Variants in PRDM16 observed in about 807,000 individuals in gnomAD.
PRDM16 encodes PR/SET domain 16.
PRDM16 carries 23 observed loss-of-function variants against 110.6 expected under a neutral mutation model. The ratio of observed to expected loss-of-function variants is 0.21; its 90% CI spans 0.15 to 0.29. PRDM16 has a LOEUF of 0.29. PRDM16 is among the 10% of genes least tolerant of loss of function. PRDM16 has a pLI of 1.00. For missense variants in PRDM16, 1,615 were observed against 1,794.3 expected (o/e 0.90, Z 1.81); for synonymous variants, 799 against 781.8 (o/e 1.02, Z -0.37).
chr1:3,346,483 G>GCTC (rs2100524461), intron 3 of PRDM16, among the ~76,000 whole-genome samples: 1 of 152,270 alleles, frequency 6.6e-6, no homozygotes, highest in African/African-American at 2.4e-5. Flanking sequence ...AGCAGCCTGA[G>GCTC]CTCCTCCTGG....
intron 1 of PRDM16, among the ~76,000 whole-genome samples, chr1:3,078,581 G>A (rs1185652086): frequency 6.6e-6 from 1 of 152,392 alleles, no homozygotes; most frequent in Admixed American, 6.5e-5. Flanking sequence ...TGCCAGAGAG[G>A]AGGGTTATGT....
At position 3,294,581 on chromosome 1, in the gene PRDM16, C is replaced by G. The variant is rs150500101; in HGVS notation, c.438+50444C>G. On this transcript the variant is annotated intron_variant, in intron 3 of 16. Coordinates refer to ENST00000270722, the MANE Select transcript of PRDM16 (RefSeq NM_022114.4). Reference sequence around the variant, plus strand: ...CCTGTGTGTCCCCTTCCTCCTCCCCCCAGGAACATCCCCGGAGCAGCCCGC... The same window carrying G: ...CCTGTGTGTCCCCTTCCTCCTCCCCGCAGGAACATCCCCGGAGCAGCCCGC... Among the ~76,000 whole-genome samples the G allele has an allele frequency of 7.9e-3, 1,203 of 152,272 alleles. 11 individuals are homozygous for G. Among genetic ancestry groups the G allele is most frequent in the Middle Eastern group, 0.014 (4 of 294 alleles).
rs750026615 is a variant in PRDM16 at position 3,402,834 on chromosome 1, G to T, written c.720G>T (p.Gln240His). 32 of 1,612,948 alleles carry T rather than the reference G, an allele frequency of 2.0e-5. No homozygotes were observed. Among genetic ancestry groups the T allele is most frequent in the Non-Finnish European group, 5.1e-6 (6 of 1,179,954 alleles). ...GTGACGAGTGTGACGAACTCTTCCAGTCCAAGCTGGACCTGCGGCGCCATA... is the reference window on the plus strand; with the variant it reads ...GTGACGAGTGTGACGAACTCTTCCATTCCAAGCTGGACCTGCGGCGCCATA... ...FRCDECDELF[Q>H]SKLDLRRHKK... Residue 240 changes from glutamine to histidine, a missense_variant, in exon 6 of 17, where the codon CAG (glutamine) becomes CAT (histidine). Coordinates refer to ENST00000270722, the MANE Select transcript of PRDM16 (RefSeq NM_022114.4).
At chr1:3,112,970 G>A (rs1275607135) in intron 1 of PRDM16, among the ~76,000 whole-genome samples, 1 of 152,400 alleles carries the variant, frequency 6.6e-6, no homozygotes, top group East Asian at 1.9e-4. Context: ...CAGTTACAAG[G>A]ACTGGGGTGT....
At chr1:3,099,832 C>T (rs764402025) in intron 1 of PRDM16, among the ~76,000 whole-genome samples, 6 of 152,186 alleles carry the variant, frequency 3.9e-5, no homozygotes, top group African/African-American at 9.6e-5. Context: ...AAGAGTGAAC[C>T]GTCGTGGGAG....
chr1:3,206,417 G>A lies in PRDM16; in HGVS notation c.387+19943G>A, dbSNP rs1371362689. 3 of 152,306 alleles carry A rather than the reference G, an allele frequency of 2.0e-5. No individual in the cohort carries two copies. The highest frequency in any genetic ancestry group is 6.5e-5 in the Admixed American group (1 of 15,288). 9.4% of individuals were successfully genotyped at this position (152,306 alleles called of 1,614,324 possible). ...TCTGGTGCAGAAGGCGTGACCTCCAGGCAGCTCCGAGACGGGAAGTGATTG... is the reference window on the plus strand; with the variant it reads ...TCTGGTGCAGAAGGCGTGACCTCCAAGCAGCTCCGAGACGGGAAGTGATTG... On this transcript the variant is annotated intron_variant, in intron 2 of 16. Coordinates refer to ENST00000270722, the MANE Select transcript of PRDM16 (RefSeq NM_022114.4). The surrounding 1 kb of genome is among the most constrained non-coding windows in gnomAD (Gnocchi z 4.9).
At position 3,436,846 on chromosome 1, in the gene PRDM16, A is replaced by G; in HGVS notation, c.*3035A>G. 1 of 233,206 alleles carries G rather than the reference A, an allele frequency of 4.3e-6. No individual in the cohort carries two copies. Among genetic ancestry groups the G allele is most frequent in the Non-Finnish European group, 8.5e-6 (1 of 118,012 alleles). 14.4% of individuals were successfully genotyped at this position (233,206 alleles called of 1,614,324 possible). A position where few individuals can be genotyped will look rare whatever the true frequency, so the allele number is the denominator to read the frequency against. On this transcript the variant is annotated 3_prime_UTR_variant, in exon 17 of 17. Coordinates refer to ENST00000270722, the MANE Select transcript of PRDM16 (RefSeq NM_022114.4). ...GGTCAGGGCTGCAAGCCAGGGGTCC[A>G]GGGCCCTTCCGTTCAGCCCAAATGC...
Position 3,430,993 on chromosome 1 carries a change from G to C in PRDM16, c.3406G>C (p.Gly1136Arg), listed in dbSNP as rs775245244. The C allele has an allele frequency of 1.2e-6, 2 of 1,600,976 alleles. No homozygotes were observed. The highest frequency in any genetic ancestry group is 1.7e-6 in the Non-Finnish European group (2 of 1,173,566). The change falls in exon 15 of 17, where the codon GGG becomes CGG. Residue 1136 changes from glycine (G) to arginine (R), a missense_variant. Gly to Arg is a moderately radical substitution (Grantham distance 125, BLOSUM62 -2). Coordinates refer to ENST00000270722, the MANE Select transcript of PRDM16 (RefSeq NM_022114.4). Reference protein sequence around the residue: ...LEEDDEDSLAGKSQDDTVSPA... With the variant: ...LEEDDEDSLARKSQDDTVSPA... Reference sequence around the variant, plus strand: ...GGAGGACGATGAGGACAGCCTGGCCGGGAAGTCGCAGGATGACACCGTGTC... The same window carrying C: ...GGAGGACGATGAGGACAGCCTGGCCCGGAAGTCGCAGGATGACACCGTGTC...
chr1:3,118,574 C>T (rs1476144479), intron 1 of PRDM16, among the ~76,000 whole-genome samples: 2 of 152,236 alleles, frequency 1.3e-5, no homozygotes, highest in African/African-American at 2.4e-5. Context: ...AACAAAACAC[C>T]ACCAGGAGAG....
At chr1:3,344,853 A>G (rs1316148351) in intron 3 of PRDM16, among the ~76,000 whole-genome samples, 1 of 152,246 alleles carries the variant, frequency 6.6e-6, no homozygotes, top group African/African-American at 2.4e-5. Flanking sequence ...AAGCTCTTCT[A>G]AGTTGATGGG....
In PRDM16 at chr1:3,135,797, C is replaced by T. The variant is rs550100249; in HGVS notation, c.38-50328C>T. Reference sequence around the variant, plus strand: ...AACCTCCTCGGAGCTGGATCCCAGCCGTCCCCAGACCGTCCGTCCCTTCCC... The same window carrying T: ...AACCTCCTCGGAGCTGGATCCCAGCTGTCCCCAGACCGTCCGTCCCTTCCC... On this transcript the variant is annotated intron_variant, in intron 1 of 16. Transcript: ENST00000270722. Among the ~76,000 whole-genome samples the T allele has an allele frequency of 8.9e-4, 136 of 152,328 alleles. 2 individuals carry two copies. The highest frequency in any genetic ancestry group is 1.7e-3 in the Non-Finnish European group (117 of 68,026).
At chr1:3,100,586 G>T (rs532458444) in intron 1 of PRDM16, among the ~76,000 whole-genome samples, 5 of 152,242 alleles carry the variant, frequency 3.3e-5, no homozygotes, top group Admixed American at 1.3e-4. Flanking sequence ...CTCCAGGCAC[G>T]GCCCATGGTC....
At chr1:3,179,524 T>C (rs1206570335) in intron 1 of PRDM16, among the ~76,000 whole-genome samples, 2 of 152,180 alleles carry the variant, frequency 1.3e-5, no homozygotes, top group African/African-American at 2.4e-5. Context: ...GGCTGTGACA[T>C]CACATCCGTC....
At chr1:3,422,505 C>T (rs1310496355) in intron 12 of PRDM16, among the ~76,000 whole-genome samples, 1 of 152,256 alleles carries the variant, frequency 6.6e-6, no homozygotes, top group Non-Finnish European at 1.5e-5. Context: ...TGCTTTGCAT[C>T]CGGGCTGGAG....
Position 3,411,853 on chromosome 1 carries a change from G to T in PRDM16, c.1656G>T (p.Gly552=). The change falls in exon 9 of 17, where the codon GGG becomes GGT. Residue 552 remains glycine (G), a synonymous_variant. Transcript: ENST00000270722. ...TQDAKLPSPL[G]NPALPLVSAV... is the part of the protein sequence containing the mutation. Reference sequence around the variant, plus strand: ...ACGCCAAGCTCCCCAGTCCCCTGGGGAACCCAGCCCTGCCCCTGGTCTCCG... The same window carrying T: ...ACGCCAAGCTCCCCAGTCCCCTGGGTAACCCAGCCCTGCCCCTGGTCTCCG... 1 of 1,611,506 alleles carries T rather than the reference G, an allele frequency of 6.2e-7. No individual in the cohort carries two copies.
intron 3 of PRDM16, among the ~76,000 whole-genome samples, chr1:3,279,354 AG>A (rs915728288): frequency 6.6e-6 from 1 of 152,158 alleles, no homozygotes; most frequent in African/African-American, 2.4e-5. Context: ...AAACGCAGAG[AG>A]GAAGGGCGGG....
At chr1:3,357,556 G>T (rs112968255) in intron 3 of PRDM16, among the ~76,000 whole-genome samples, 2 of 151,474 alleles carry the variant, frequency 1.3e-5, no homozygotes, top group Non-Finnish European at 2.9e-5. Flanking sequence ...AGGAAGCGCC[G>T]TTCCCCCCAC....
intron 3 of PRDM16, among the ~76,000 whole-genome samples, chr1:3,259,584 G>T (rs1198265811): frequency 6.6e-6 from 1 of 152,122 alleles, no homozygotes; most frequent in East Asian, 1.9e-4. Context: ...GGCAAATCAG[G>T]CCCCCCCAAG....
rs982656423 is a variant in PRDM16, at chr1:3,427,010, A to G, written c.3284+785A>G. ...TACACACACGCATATGCACACATGC[A>G]AGTACATGCACATGGACAGTGTGTG... On this transcript the variant is annotated intron_variant, in intron 14 of 16. Coordinates refer to ENST00000270722, the MANE Select transcript of PRDM16 (RefSeq NM_022114.4). Among the ~76,000 whole-genome samples, 3 of 152,368 alleles carry G rather than the reference A, an allele frequency of 2.0e-5. No homozygotes were observed. In the East Asian group the frequency reaches 5.8e-4, roughly 29 times the overall value.
Sources: allele counts gnomAD v4.1 joint callset (sites outside exome capture counted in the v4.1 genomes callset), GRCh38; gene constraint gnomAD v4.1.1; non-coding constraint Gnocchi (gnomAD v3.1); transcripts MANE v1.5; gene names NCBI Gene and HGNC (gene_info 2026-07-23, HGNC 2026-07-21).